Variants in SDK1 observed in about 807,000 individuals in gnomAD.
SDK1 encodes the protein sidekick cell adhesion molecule 1, also known as protein sidekick-1.
In SDK1, 157 loss-of-function variants were observed where a neutral mutation model predicts 245.5. The observed-to-expected ratio is 0.64, with a 90% CI of 0.56 to 0.73. SDK1 has a LOEUF of 0.73. SDK1 is among the 30% of genes least tolerant of loss of function. SDK1 has a pLI of 0.00. For missense variants in SDK1, 3,583 were observed against 3,002.3 expected (o/e 1.19, Z -4.52); for synonymous variants, 1,647 against 1,278.5 (o/e 1.29, Z -6.15).
At chr7:3,977,622 C>G (rs530123904) in intron 13 of SDK1, among the ~76,000 whole-genome samples, 2 of 152,356 alleles carry the variant, frequency 1.3e-5, no homozygotes, top group East Asian at 1.9e-4. Context: ...TAGCATTCAA[C>G]GACAGTAGCA....
At chr7:4,015,105 A>G (rs1171834553) in intron 16 of SDK1, among the ~76,000 whole-genome samples, 3 of 152,162 alleles carry the variant, frequency 2.0e-5, no homozygotes, top group Admixed American at 6.6e-5. Flanking sequence ...ACACCTTCAC[A>G]TCTCTTTTAC....
intron 20 of SDK1, among the ~76,000 whole-genome samples, chr7:4,075,638 A>G (rs989821272): frequency 6.7e-6 from 1 of 149,572 alleles, no homozygotes; most frequent in African/African-American, 2.5e-5. Flanking sequence ...TTCAGGAGCT[A>G]GTTGGGTCTT....
intron 14 of SDK1, among the ~76,000 whole-genome samples, chr7:3,991,227 C>G (rs1363120537): frequency 2.6e-5 from 4 of 152,176 alleles, no homozygotes; most frequent in Admixed American, 2.6e-4. Context: ...CAGTGCCAGG[C>G]CCCCAGGCTC....
chr7:3,318,846 C>T (rs192147582), intron 1 of SDK1, among the ~76,000 whole-genome samples: 26 of 152,232 alleles, frequency 1.7e-4, no homozygotes, highest in Admixed American at 5.9e-4. Flanking sequence ...TTAATATTGA[C>T]AATCAAATTT....
chr7:3,576,976 C>T (rs566178525), intron 1 of SDK1, among the ~76,000 whole-genome samples: 6 of 152,002 alleles, frequency 3.9e-5, no homozygotes, highest in Non-Finnish European at 8.8e-5. Flanking sequence ...TTTTGCACTT[C>T]ACCACGGTGG....
At chr7:3,903,146 TTTG>T (rs1781845679) in intron 5 of SDK1, among the ~76,000 whole-genome samples, 1 of 129,482 alleles carries the variant, frequency 7.7e-6, no homozygotes, top group East Asian at 2.5e-4. Context: ...TGTTTTTTGT[TTTG>T]TTTTTTTTTT....
intron 1 of SDK1, among the ~76,000 whole-genome samples, chr7:3,593,594 A>T (rs764990038): frequency 2.0e-5 from 3 of 152,178 alleles, no homozygotes; most frequent in Non-Finnish European, 2.9e-5. Context: ...CTGGACTAAA[A>T]GATAGGCACC....
intron 1 of SDK1, among the ~76,000 whole-genome samples, chr7:3,566,371 C>G (rs1003475662): frequency 6.6e-6 from 1 of 151,786 alleles, no homozygotes; most frequent in African/African-American, 2.4e-5. Context: ...ACTACAGGCA[C>G]CCGCCATCAC....
At chr7:3,579,878 G>C (rs779891327) in intron 1 of SDK1, among the ~76,000 whole-genome samples, 9 of 152,188 alleles carry the variant, frequency 5.9e-5, no homozygotes, top group Admixed American at 3.3e-4. Context: ...CACACCCAGA[G>C]GTGCCTTGGG....
At chr7:4,196,206 C>G (rs1783567551) in intron 35 of SDK1, among the ~76,000 whole-genome samples, 1 of 152,196 alleles carries the variant, frequency 6.6e-6, no homozygotes. Context: ...GTCACTGCAA[C>G]TGGTGGATTC....
At chr7:3,685,987 T>A (rs538689566) in intron 4 of SDK1, among the ~76,000 whole-genome samples, 1 of 152,284 alleles carries the variant, frequency 6.6e-6, no homozygotes, top group East Asian at 1.9e-4. Flanking sequence ...GACCTAATAA[T>A]ATACTGTCTA....
intron 4 of SDK1, among the ~76,000 whole-genome samples, chr7:3,724,132 T>C (rs961485286): frequency 6.6e-6 from 1 of 151,856 alleles, no homozygotes; most frequent in Non-Finnish European, 1.5e-5. Context: ...CTCAGCTAAT[T>C]TGTTGTATTT....
chr7:4,069,205 T>C (rs1313307117), intron 20 of SDK1, among the ~76,000 whole-genome samples: 1 of 152,192 alleles, frequency 6.6e-6, no homozygotes, highest in Non-Finnish European at 1.5e-5. Context: ...GGATCCTCAG[T>C]TACAACTGAG....
chr7:3,502,536 G>C (rs1020335016), intron 1 of SDK1, among the ~76,000 whole-genome samples: 1 of 152,080 alleles, frequency 6.6e-6, no homozygotes, highest in African/African-American at 2.4e-5. Context: ...GGCGTGAACC[G>C]CCATTCCCAG....
At chr7:3,889,198 G>C (rs1405024908) in intron 5 of SDK1, among the ~76,000 whole-genome samples, 1 of 152,166 alleles carries the variant, frequency 6.6e-6, no homozygotes, top group African/African-American at 2.4e-5. Flanking sequence ...GATCCTTGAG[G>C]CCATCACACT....
chr7:3,925,011 T>A (rs1479172378), intron 5 of SDK1, among the ~76,000 whole-genome samples: 1 of 152,192 alleles, frequency 6.6e-6, no homozygotes, highest in Non-Finnish European at 1.5e-5. Context: ...TCCAGACTCT[T>A]AATGTGATTC....
At chr7:3,989,733 C>T (rs1490657621) in intron 14 of SDK1, among the ~76,000 whole-genome samples, 1 of 152,210 alleles carries the variant, frequency 6.6e-6, no homozygotes, top group Non-Finnish European at 1.5e-5. Flanking sequence ...CTGATGTCAG[C>T]CTGTACACGC....
intron 7 of SDK1, among the ~76,000 whole-genome samples, chr7:3,953,189 G>T (rs1780972354): frequency 6.6e-6 from 1 of 150,786 alleles, no homozygotes; most frequent in Non-Finnish European, 1.5e-5. Flanking sequence ...AAAAAAGCTT[G>T]TGTTTTCCTA....
chr7:3,689,078 T>C lies in SDK1; in HGVS notation c.713+46973T>C, dbSNP rs918385438. Reference sequence around the variant, plus strand: ...TTCATTTATGTGTCACTTGTGGTGGTTTTTCCAGTTCTACATGTGGAGTTG... The same window carrying C: ...TTCATTTATGTGTCACTTGTGGTGGCTTTTCCAGTTCTACATGTGGAGTTG... On this transcript the variant is annotated intron_variant, in intron 4 of 44. Transcript: ENST00000404826. 5.9e-5 allele frequency among the ~76,000 whole-genome samples: 9 copies of C among 152,182 alleles called. No individual in the cohort carries two copies. In the East Asian group the frequency reaches 1.7e-3, roughly 29 times the overall value.
Sources: allele counts gnomAD v4.1 joint callset (sites outside exome capture counted in the v4.1 genomes callset), GRCh38; gene constraint gnomAD v4.1.1; transcripts MANE v1.5; gene names NCBI Gene and HGNC (gene_info 2026-07-23, HGNC 2026-07-21).